The following SZT2 variants were observed in gnomAD, a reference collection of about 807,000 sequenced individuals.
The protein encoded by SZT2 is KICSTOR complex protein SZT2.
In SZT2, 216 loss-of-function variants were observed where a neutral mutation model predicts 404.2. That is an observed-to-expected ratio of 0.53 (90% CI 0.48 to 0.60). The LOEUF (loss-of-function observed/expected upper bound fraction) is 0.60. Ranked by LOEUF, SZT2 falls within the 20% of genes least tolerant of loss-of-function variation. SZT2 has a pLI of 0.00. For synonymous variants in SZT2, 1,693 were observed against 1,749.9 expected, an observed-to-expected ratio of 0.97 and a Z score of 0.81; for missense variants, 3,857 against 4,459.2, an observed-to-expected ratio of 0.86 and a Z score of 3.85.
At chr1:43,411,552 C>T (rs1177224528) in intron 4 of SZT2, among the ~76,000 whole-genome samples, 1 of 152,210 alleles carries the variant, frequency 6.6e-6, no homozygotes, top group African/African-American at 2.4e-5. Flanking sequence ...GCTTTAGCCC[C>T]TTTGAGATTG....
Position 43,443,670 on chromosome 1 carries a change from C to T in SZT2, c.8699C>T (p.Pro2900Leu), listed in dbSNP as rs1402783611. The change falls in exon 62 of 72, where the codon CCC becomes CTC. Residue 2900 changes from proline (P) to leucine (L), a missense_variant. Around this residue, in one of 7 missense-constraint regions of SZT2, gnomAD observed 717 missense variants for 868.2 expected, o/e 0.83. Transcript: ENST00000634258. ...PTSCESLDVSPPGAREEPWLK... is the reference protein window; with the variant it reads ...PTSCESLDVSLPGAREEPWLK... The stretch of plus-strand genomic sequence containing the variant: ...AGCTGTGAATCCTTGGATGTGTCGC[C>T]CCCGGGAGCCCGTGAGGAGCCTTGG... 1 of 1,614,224 alleles carries T rather than the reference C, an allele frequency of 6.2e-7. No individual in the cohort carries two copies. Among genetic ancestry groups the T allele is most frequent in the East Asian group, 2.2e-5 (1 of 44,872 alleles).
chr1:43,435,399 T>A, intron 42 of SZT2, 70 bp downstream of exon 42: 2 of 1,572,370 alleles, frequency 1.3e-6, no homozygotes, highest in South Asian at 2.3e-5. Context: ...AATACTCTGG[T>A]GAAAGCTGAG....
chr1:43,448,683 G>A lies in SZT2; in HGVS notation c.10041G>A (p.Gln3347=). ...LIKVLLSRFP[Q]SCRHFQSPDL... ...AAGTTCTCCTAAGCCGCTTCCCCCA[G>A]AGCTGTCGCCATTTCCAAAGCCCAG... The change falls in exon 70 of 72, where the codon CAG becomes CAA. Residue 3347 remains glutamine, a synonymous_variant. Transcript: ENST00000634258. This position sits in a 1 kb window ranked among gnomAD's most constrained non-coding sequence, Gnocchi z 4.2. The A allele has an allele frequency of 1.2e-6, 2 of 1,614,162 alleles. No individual in the cohort carries two copies. The highest frequency in any genetic ancestry group is 1.1e-5 in the South Asian group (1 of 91,088).
At chr1:43,401,521 C>G (rs1649681904) in intron 1 of SZT2, among the ~76,000 whole-genome samples, 1 of 152,020 alleles carries the variant, frequency 6.6e-6, no homozygotes, top group Non-Finnish European at 1.5e-5. Flanking sequence ...GAGTCTCACT[C>G]TGTCGCCCAG....
At chr1:43,402,693 G>A (rs1161230887) in intron 1 of SZT2, among the ~76,000 whole-genome samples, 1 of 152,202 alleles carries the variant, frequency 6.6e-6, no homozygotes, top group Non-Finnish European at 1.5e-5. Context: ...ACCCACAGAG[G>A]TTTGATTTTG....
At chr1:43,428,686 C>CT (rs1330887257) in intron 28 of SZT2, 200 bp downstream of exon 28, 8 of 635,674 alleles carry the variant, frequency 1.3e-5, no homozygotes, top group Non-Finnish European at 2.1e-5. Flanking sequence ...CTCCCAGGCT[C>CT]TCCCCATCTC....
In SZT2 at chr1:43,442,161, G is replaced by A. The variant is rs200914468; in HGVS notation, c.7873+31G>A. 2.6e-4 allele frequency: 370 copies of A among 1,430,976 alleles called. No individual in the cohort carries two copies. In the African/African-American group the frequency reaches 3.8e-3, roughly 15 times the overall value. The allele number at this position is 1,430,976 out of a possible 1,614,324, so 88.6% of individuals were successfully genotyped here. A position where few individuals can be genotyped will look rare whatever the true frequency, so the allele number is the denominator to read the frequency against. On this transcript the variant is annotated intron_variant, in intron 56 of 71. Coordinates refer to ENST00000634258, the MANE Select transcript of SZT2 (RefSeq NM_001365999.1). This position sits in a 1 kb window ranked among gnomAD's most constrained non-coding sequence, Gnocchi z 4.5. ...GGCATGGCCCGGGGGGGCGGGGGGC[G>A]GGTAGGCTAAGAGTAACTGGTGGGG...
At position 43,450,503 on chromosome 1, in the gene SZT2, T is replaced by A; in HGVS notation, c.*23T>A. The A allele has an allele frequency of 6.2e-7, 1 of 1,613,766 alleles. No homozygotes were observed. Among genetic ancestry groups the A allele is most frequent in the Non-Finnish European group, 8.5e-7 (1 of 1,179,798 alleles). On this transcript the variant is annotated 3_prime_UTR_variant, in exon 72 of 72. Transcript: ENST00000634258. This position sits in a 1 kb window ranked among gnomAD's most constrained non-coding sequence, Gnocchi z 4.3. ...TGAGGGAGTGGACTGGACCACTGAA[T>A]GTCACTGTTCCTTGAATCATGGGCC...
intron 1 of SZT2, among the ~76,000 whole-genome samples, chr1:43,391,657 G>A (rs1307535266): frequency 6.6e-6 from 1 of 152,176 alleles, no homozygotes; most frequent in Non-Finnish European, 1.5e-5. Flanking sequence ...AGATTAAAGT[G>A]AAAGGAGGTG....
chr1:43,438,844 C>T, intron 47 of SZT2, 27 bp downstream of exon 47: 1 of 1,611,360 alleles, frequency 6.2e-7, no homozygotes, highest in Non-Finnish European at 8.5e-7. Context: ...GCACCAGCAT[C>T]CTTCCCAGAC....
At chr1:43,402,551 T>C (rs1338384422) in intron 1 of SZT2, among the ~76,000 whole-genome samples, 1 of 152,012 alleles carries the variant, frequency 6.6e-6, no homozygotes, top group African/African-American at 2.4e-5. Flanking sequence ...ACAGGACATG[T>C]GTAGTGGAAG....
chr1:43,399,677 G>A (rs1649443886), intron 1 of SZT2, among the ~76,000 whole-genome samples: 1 of 151,918 alleles, frequency 6.6e-6, no homozygotes, highest in African/African-American at 2.4e-5. Context: ...TAGCCAGGGT[G>A]GTCTCGATCT....
intron 1 of SZT2, among the ~76,000 whole-genome samples, chr1:43,391,936 T>TTAACATTTTTTTTGGTACCA (rs1413372169): frequency 4.4e-5 from 3 of 68,670 alleles, no homozygotes; most frequent in Admixed American, 1.5e-4. Flanking sequence ...TACAAAAAAT[T>TTAACATTTTTTTTGGTACCA]AGCTGGGCGT....
chr1:43,438,583 T>G (rs1248808851), intron 46 of SZT2, 116 bp from the exon 47 acceptor site: 1 of 988,298 alleles, frequency 1.0e-6, no homozygotes, highest in African/African-American at 1.6e-5. Flanking sequence ...GAGCCAGCAC[T>G]CCTAACACTG....
intron 62 of SZT2, among the ~76,000 whole-genome samples, chr1:43,444,119 T>C (rs371869547): frequency 6.6e-6 from 1 of 152,196 alleles, no homozygotes; most frequent in South Asian, 2.1e-4. Flanking sequence ...TTTTTGGAGA[T>C]GGAATCTCAC....
chr1:43,453,733 G>T lies in SZT2; in HGVS notation c.*3253G>T, dbSNP rs746535141. ...CTGCCCGCGGCCCGCACCCGCGCGG[G>T]GAGGCCGGAGAGCTCGGGGAATAGC... On this transcript the variant is annotated 3_prime_UTR_variant, in exon 72 of 72. Transcript: ENST00000634258. The T allele has an allele frequency of 7.2e-7, 1 of 1,387,458 alleles. No homozygotes were observed. Among genetic ancestry groups the T allele is most frequent in the East Asian group, 3.0e-5 (1 of 33,318 alleles). 85.9% of individuals were successfully genotyped at this position (1,387,458 alleles called of 1,614,324 possible). A position where few individuals can be genotyped will look rare whatever the true frequency, so the allele number is the denominator to read the frequency against.
At position 43,438,772 on chromosome 1, in the gene SZT2, A is replaced by G. The variant is rs145802078; in HGVS notation, c.6582A>G (p.Thr2194=). The G allele has an allele frequency of 5.3e-4, 849 of 1,614,104 alleles. No individual in the cohort carries two copies. The highest frequency in any genetic ancestry group is 8.2e-4 in the Middle Eastern group (5 of 6,062). ...ATGAGGCCACGCTGGACGTCATCAC[A>G]GTTATGCTTGTTCGGAACTGCAAGC... ...RLDEATLDVI[T]VMLVRNCKLT... Residue 2194 remains threonine (T), a synonymous_variant, in exon 47 of 72, where the codon ACA becomes ACG. Coordinates refer to ENST00000634258, the MANE Select transcript of SZT2 (RefSeq NM_001365999.1).
At position 43,422,642 on chromosome 1, in the gene SZT2, G is replaced by C. The variant is rs771115768; in HGVS notation, c.1922+10G>C. 6 of 1,571,152 alleles carry C rather than the reference G, an allele frequency of 3.8e-6. No individual in the cohort carries two copies. Among genetic ancestry groups the C allele is most frequent in the Non-Finnish European group, 8.6e-7 (1 of 1,167,932 alleles). ...TTAAGCTGCTCTCCAGGTGGGCAAA[G>C]TGATGTCCCTTCACCCCCCGCCCCC... On this transcript the variant is annotated intron_variant, in intron 13 of 71. Transcript: ENST00000634258.
chr1:43,435,110 C>A, intron 41 of SZT2, 90 bp from the exon 42 acceptor site: 1 of 1,467,942 alleles, frequency 6.8e-7, no homozygotes, highest in South Asian at 1.3e-5. Context: ...TGATAGTGGT[C>A]ATTCTCTCTG....
Sources: allele counts gnomAD v4.1 joint callset (sites outside exome capture counted in the v4.1 genomes callset), GRCh38; gene constraint gnomAD v4.1.1; regional missense constraint gnomAD v4.1.1; non-coding constraint Gnocchi (gnomAD v3.1); transcripts MANE v1.5; gene names NCBI Gene and HGNC (gene_info 2026-07-23, HGNC 2026-07-21).